ACAD10: variants seen among roughly 807,000 people sequenced by gnomAD.
The protein encoded by ACAD10 is acyl-CoA dehydrogenase family member 10.
ACAD10 carries 112 observed loss-of-function variants against 116.8 expected under a neutral mutation model. The observed-to-expected ratio is 0.96, with a 90% CI of 0.82 to 1.12. ACAD10 has a LOEUF of 1.12. ACAD10 is among the 50% of genes most tolerant of loss of function. The pLI is 0.00. For missense variants in ACAD10, 1,259 were observed against 1,350.2 expected (o/e 0.93, Z 1.06); for synonymous variants, 486 against 510.6 (o/e 0.95, Z 0.65).
At chr12:111,746,347 C>A in intron 14 of ACAD10, 63 bp downstream of exon 14, 3 of 1,532,542 alleles carry the variant, frequency 2.0e-6, no homozygotes, top group Non-Finnish European at 2.6e-6. Context: ...GAACTCAATC[C>A]TAAACAGATA....
intron 8 of ACAD10, among the ~76,000 whole-genome samples, chr12:111,723,392 G>A (rs1416291607): frequency 1.1e-4 from 14 of 132,508 alleles, no homozygotes; most frequent in Admixed American, 2.9e-4. Flanking sequence ...CCTCCCTCCC[G>A]GACGGGGCGG....
chr12:111,717,810 A>G (rs1888887629), intron 7 of ACAD10, among the ~76,000 whole-genome samples: 1 of 152,050 alleles, frequency 6.6e-6, no homozygotes, highest in African/African-American at 2.4e-5. Flanking sequence ...TGGCCTCCCA[A>G]AGTATTGGGG....
intron 19 of ACAD10, among the ~76,000 whole-genome samples, chr12:111,754,761 T>C (rs1177238585): frequency 6.6e-6 from 1 of 152,228 alleles, no homozygotes. Context: ...GTGGCCTTGG[T>C]CCACTGCTGC....
chr12:111,693,886 C>G (rs1000268463), intron 2 of ACAD10, among the ~76,000 whole-genome samples: 27 of 152,146 alleles, frequency 1.8e-4, no homozygotes, highest in African/African-American at 6.5e-4. Flanking sequence ...TGGTCTGGGG[C>G]ACTGTGTGAT....
chr12:111,717,154 C>T (rs572710694), intron 7 of ACAD10, among the ~76,000 whole-genome samples: 4 of 151,850 alleles, frequency 2.6e-5, no homozygotes, highest in African/African-American at 7.3e-5. Flanking sequence ...CTCAGGCGTT[C>T]GAGCCCAGCC....
chr12:111,730,304 C>T (rs2135975385), intron 10 of ACAD10, among the ~76,000 whole-genome samples: 1 of 152,298 alleles, frequency 6.6e-6, no homozygotes, highest in East Asian at 1.9e-4. Flanking sequence ...TGTTGAGACC[C>T]ACTGTTTGAA....
intron 5 of ACAD10, among the ~76,000 whole-genome samples, chr12:111,711,434 C>T (rs2135957418): frequency 6.6e-6 from 1 of 152,120 alleles, no homozygotes; most frequent in Admixed American, 6.6e-5. Context: ...ATCTCTCGAT[C>T]TCCTGACCTC....
At chr12:111,717,077 A>G (rs918962396) in intron 7 of ACAD10, among the ~76,000 whole-genome samples, 7 of 152,292 alleles carry the variant, frequency 4.6e-5, no homozygotes, top group African/African-American at 9.6e-5. Context: ...TGTTACAATT[A>G]TAGTCCTCAT....
chr12:111,695,718 A>G (rs1019858028), intron 2 of ACAD10, among the ~76,000 whole-genome samples: 6 of 152,158 alleles, frequency 3.9e-5, no homozygotes, highest in Admixed American at 6.6e-5. Flanking sequence ...ATTTGATAAG[A>G]ATATACTAGA....
intron 1 of ACAD10, among the ~76,000 whole-genome samples, chr12:111,690,818 C>CATTTCAG (rs957777831): frequency 7.3e-5 from 11 of 150,056 alleles, no homozygotes; most frequent in African/African-American, 2.2e-4. Flanking sequence ...GATTTTGGAG[C>CATTTCAG]ATTTCAGATG....
intron 11 of ACAD10, among the ~76,000 whole-genome samples, chr12:111,734,989 C>T (rs1415571802): frequency 2.6e-5 from 4 of 151,940 alleles, no homozygotes; most frequent in African/African-American, 9.7e-5. Context: ...TTTGGGAGGC[C>T]GAGACGGGTG....
rs1312027312 is a variant in ACAD10, at chr12:111,729,800, C to T, written c.1244-6C>T. Reference sequence around the variant, plus strand: ...GCACACCAAGTTCTAATCCTATTTCCCGCAGGGGACTATATTCCACGCCAG... The same window carrying T: ...GCACACCAAGTTCTAATCCTATTTCTCGCAGGGGACTATATTCCACGCCAG... On this transcript the variant is annotated splice_region_variant and splice_polypyrimidine_tract_variant and intron_variant, in intron 9 of 20. Transcript: ENST00000313698. The T allele has an allele frequency of 1.2e-6, 2 of 1,610,892 alleles. No homozygotes were observed. The highest frequency in any genetic ancestry group is 4.5e-5 in the East Asian group (2 of 44,784).
At chr12:111,702,714 A>G (rs1888383886) in intron 3 of ACAD10, among the ~76,000 whole-genome samples, 1 of 152,124 alleles carries the variant, frequency 6.6e-6, no homozygotes, top group Non-Finnish European at 1.5e-5. Flanking sequence ...TTGAGCAACA[A>G]GAGCGAAACT....
At chr12:111,725,724 G>A (rs1342934337) in intron 8 of ACAD10, among the ~76,000 whole-genome samples, 2 of 151,702 alleles carry the variant, frequency 1.3e-5, no homozygotes, top group African/African-American at 2.4e-5. Flanking sequence ...TAATGGAGAC[G>A]GGGTTTCGCC....
At chr12:111,731,046 C>T (rs368853459) in intron 10 of ACAD10, among the ~76,000 whole-genome samples, 31 of 152,224 alleles carry the variant, frequency 2.0e-4, no homozygotes, top group Admixed American at 1.4e-3. Flanking sequence ...CCACTTTGGC[C>T]TCCCAGAGTG....
intron 4 of ACAD10, 125 bp from the exon 5 acceptor site, chr12:111,709,401 A>T: frequency 1.2e-6 from 1 of 805,240 alleles, no homozygotes; most frequent in African/African-American, 1.8e-5. Flanking sequence ...TAACACTCTT[A>T]AATTACTTGT....
rs1889478213 is a variant in ACAD10 at position 111,734,036 on chromosome 12, A to G, written c.1508A>G (p.His503Arg). Residue 503 changes from histidine (H) to arginine (R), a missense_variant, in exon 11 of 21, where the codon CAT becomes CGT. Physicochemically the swap from His to Arg is conservative, Grantham distance 29. Transcript: ENST00000313698. ...LADVAYSCLA[H>R]YLPSSFPVLR... Reference sequence around the variant, plus strand: ...GATGTGGCCTACAGCTGCCTGGCTCATTACCTGCCATCCAGTTTTCCCGTG... The same window carrying G: ...GATGTGGCCTACAGCTGCCTGGCTCGTTACCTGCCATCCAGTTTTCCCGTG... The G allele has an allele frequency of 6.2e-7, 1 of 1,614,090 alleles. No homozygotes were observed.
At chr12:111,755,892 C>T in intron 20 of ACAD10, 147 bp downstream of exon 20, 1 of 842,764 alleles carries the variant, frequency 1.2e-6, no homozygotes, top group South Asian at 1.4e-5. Flanking sequence ...TTTTCCTCTT[C>T]AGAATGACCC....
intron 5 of ACAD10, among the ~76,000 whole-genome samples, chr12:111,712,199 T>C (rs1888705213): frequency 6.6e-6 from 1 of 152,162 alleles, no homozygotes; most frequent in Admixed American, 6.5e-5. Context: ...TGCTGGTGAG[T>C]GTACCCTTTC....
Sources: gnomAD v4.1 joint callset for allele counts (sites outside exome capture counted in the v4.1 genomes callset) on GRCh38, gnomAD v4.1.1 for gene constraint, MANE v1.5 for transcripts, NCBI Gene and HGNC (gene_info 2026-07-23, HGNC 2026-07-21) for gene names.